INTS7: variants seen among roughly 807,000 people sequenced by gnomAD.
INTS7 encodes the protein chromosome 1 open reading frame 73.
Under a neutral mutation model 109.2 loss-of-function variants are expected in INTS7, and 46 were observed. That is an observed-to-expected ratio of 0.42 (90% CI 0.33 to 0.54). The LOEUF is 0.54. INTS7 is among the 20% of genes least tolerant of loss of function. INTS7 has a pLI of 0.07. For missense variants in INTS7, 929 were observed against 1,132.4 expected (o/e 0.82, Z 2.58); for synonymous variants, 412 against 402.9 (o/e 1.02, Z -0.27).
At chr1:212,018,102 A>T (rs1344818964) in intron 3 of INTS7, among the ~76,000 whole-genome samples, 1 of 151,996 alleles carries the variant, frequency 6.6e-6, no homozygotes, top group East Asian at 1.9e-4. Flanking sequence ...TATATGGCAA[A>T]CCTCCTAAGG....
At chr1:211,960,925 G>C (rs992069589) in intron 16 of INTS7, among the ~76,000 whole-genome samples, 5 of 152,128 alleles carry the variant, frequency 3.3e-5, no homozygotes, top group African/African-American at 1.2e-4. Flanking sequence ...TGAGGCAGGA[G>C]AATCACTTGA....
intron 10 of INTS7, among the ~76,000 whole-genome samples, chr1:211,980,829 G>A (rs761905679): frequency 1.3e-5 from 2 of 152,046 alleles, no homozygotes; most frequent in Non-Finnish European, 2.9e-5. Context: ...TCTTCCCTTG[G>A]CTTATAAACT....
At chr1:211,947,390 T>C (rs575318657) in intron 17 of INTS7, among the ~76,000 whole-genome samples, 2 of 152,184 alleles carry the variant, frequency 1.3e-5, no homozygotes, top group Non-Finnish European at 2.9e-5. Context: ...CGTTCAAAGA[T>C]ATTTTAAAGA....
At chr1:212,023,684 T>C (rs1388138950) in intron 1 of INTS7, among the ~76,000 whole-genome samples, 1 of 152,336 alleles carries the variant, frequency 6.6e-6, no homozygotes, top group East Asian at 1.9e-4. Context: ...TTTTCTCCCA[T>C]TCTGTAGGCT....
chr1:211,961,067 C>T (rs1663603536), intron 16 of INTS7, among the ~76,000 whole-genome samples: 5 of 151,354 alleles, frequency 3.3e-5, no homozygotes, highest in Admixed American at 3.3e-4. Context: ...AACAAAACCT[C>T]CGAGAAATAT....
rs752751276 is a variant in INTS7, at chr1:211,982,715, T to C, written c.1093A>G (p.Arg365Gly). ...NNRGIAAHGVRVLTNITVSCQ... is the reference protein window; with the variant it reads ...NNRGIAAHGVGVLTNITVSCQ... ...GAAACAGTTATATTAGTTAGGACTC[T>C]AACTCCATGAGCTGCAATGCCCCTG... Residue 365 changes from arginine to glycine, a missense_variant, in exon 9 of 20, where the codon AGA becomes GGA. This residue lies in a region of INTS7 where 787 missense variants were observed against 901.1 expected (regional missense o/e 0.87). Transcript: ENST00000366994. 15 of 1,612,134 alleles carry C rather than the reference T, an allele frequency of 9.3e-6. No homozygotes were observed. The Admixed American group carries it at 2.3e-4, about 25-fold the overall frequency.
chr1:211,997,551 G>A (rs55774430), intron 7 of INTS7, among the ~76,000 whole-genome samples: 48,378 of 128,870 alleles, frequency 0.38, 11,098 homozygotes, highest in Middle Eastern at 0.52. Flanking sequence ...AAAAAAAAAA[G>A]GGAGAGATGT....
intron 1 of INTS7, among the ~76,000 whole-genome samples, chr1:212,022,265 T>C (rs1374335613): frequency 6.6e-6 from 1 of 152,184 alleles, no homozygotes; most frequent in Non-Finnish European, 1.5e-5. Context: ...AAAGAATTCT[T>C]AGATAAAACA....
chr1:211,985,372 A>G (rs1664850457), intron 8 of INTS7, among the ~76,000 whole-genome samples: 1 of 152,202 alleles, frequency 6.6e-6, no homozygotes, highest in African/African-American at 2.4e-5. Flanking sequence ...TACATTGAAA[A>G]AACATAATAA....
chr1:211,996,384 A>T (rs2970603), intron 7 of INTS7, among the ~76,000 whole-genome samples: 150,509 of 152,218 alleles, frequency 0.99, 74,432 homozygotes, highest in Middle Eastern at 1. Context: ...ATAGCACCAC[A>T]GCACTCCAGC....
chr1:211,987,256 C>G (rs1440270951), intron 8 of INTS7, among the ~76,000 whole-genome samples: 34 of 151,876 alleles, frequency 2.2e-4, no homozygotes, highest in South Asian at 2.1e-4. Context: ...AAGATCCCCC[C>G]ACTGCACTCC....
chr1:212,018,712 G>C (rs1465176559), intron 3 of INTS7, among the ~76,000 whole-genome samples: 1 of 151,886 alleles, frequency 6.6e-6, no homozygotes, highest in African/African-American at 2.4e-5. Flanking sequence ...GATACTATTT[G>C]ACTACTTTTT....
chr1:212,012,805 A>G (rs1163522145), intron 4 of INTS7, among the ~76,000 whole-genome samples: 1 of 152,230 alleles, frequency 6.6e-6, no homozygotes, highest in Admixed American at 6.5e-5. Context: ...TTAGCTTCTA[A>G]TAAGAACACA....
chr1:212,016,193 T>C (rs1267809016), intron 4 of INTS7, among the ~76,000 whole-genome samples: 6 of 152,232 alleles, frequency 3.9e-5, no homozygotes, highest in Admixed American at 3.3e-4. Flanking sequence ...CAGTACATAT[T>C]GCTGTTATCT....
At chr1:211,987,537 C>A (rs1410858079) in intron 8 of INTS7, among the ~76,000 whole-genome samples, 1 of 152,080 alleles carries the variant, frequency 6.6e-6, no homozygotes, top group Non-Finnish European at 1.5e-5. Flanking sequence ...AAACTCACTA[C>A]TACTTGACCT....
At chr1:211,951,410 C>T (rs560357129) in intron 17 of INTS7, among the ~76,000 whole-genome samples, 2 of 152,214 alleles carry the variant, frequency 1.3e-5, no homozygotes, top group South Asian at 4.2e-4. Context: ...CCGGTTCAAG[C>T]GATTCTCCTG....
chr1:211,965,343 T>C (rs1558029345), intron 16 of INTS7, among the ~76,000 whole-genome samples: 1 of 152,164 alleles, frequency 6.6e-6, no homozygotes, highest in Non-Finnish European at 1.5e-5. Flanking sequence ...TTATACACTG[T>C]TGGCGGGAGT....
intron 17 of INTS7, among the ~76,000 whole-genome samples, chr1:211,947,089 C>T (rs555061742): frequency 3.3e-5 from 5 of 152,186 alleles, no homozygotes; most frequent in Non-Finnish European, 2.9e-5. Context: ...TAAAGAAGCC[C>T]GAGCATTTTG....
intron 12 of INTS7, among the ~76,000 whole-genome samples, chr1:211,976,047 G>A (rs1571866972): frequency 6.6e-6 from 1 of 151,912 alleles, no homozygotes; most frequent in Non-Finnish European, 1.5e-5. Context: ...AGATTTGTCC[G>A]CCTTGGCCTC....
Sources: gnomAD v4.1 joint callset for allele counts (sites outside exome capture counted in the v4.1 genomes callset) on GRCh38, gnomAD v4.1.1 for gene constraint, gnomAD v4.1.1 regional missense constraint, MANE v1.5 for transcripts, NCBI Gene and HGNC (gene_info 2026-07-23, HGNC 2026-07-21) for gene names.